Variants in MTCL2 observed in about 807,000 individuals in gnomAD.
The protein encoded by MTCL2 is microtubule crosslinking factor 2.
chr20:36,789,006 G>A, the MTCL2 span, among the ~76,000 whole-genome samples: 1 of 151,936 alleles, frequency 6.6e-6, no homozygotes, highest in Non-Finnish European at 1.5e-5. Flanking sequence ...GGGTTTCTCG[G>A]CATTGGTCAG....
chr20:36,787,538 T>C, the MTCL2 span, among the ~76,000 whole-genome samples: 1 of 152,128 alleles, frequency 6.6e-6, no homozygotes, highest in Non-Finnish European at 1.5e-5. Context: ...TCACTTTTTA[T>C]GTACATCTGG....
the MTCL2 span, among the ~76,000 whole-genome samples, chr20:36,810,464 A>C: frequency 0.015 from 2,233 of 152,328 alleles, 30 homozygotes; most frequent in Non-Finnish European, 0.024. Flanking sequence ...ATGGGACTTA[A>C]AAGATGCTTA....
chr20:36,778,771 G>A, the MTCL2 span: 1 of 152,432 alleles, frequency 6.6e-6, no homozygotes. Flanking sequence ...GGGACCACAG[G>A]GCCATCCTGG....
the MTCL2 span, among the ~76,000 whole-genome samples, chr20:36,838,379 G>C: frequency 2.0e-5 from 3 of 152,014 alleles, no homozygotes; most frequent in Non-Finnish European, 4.4e-5. Flanking sequence ...AGGATCACTT[G>C]AGCCCAGAAG....
the MTCL2 span, chr20:36,777,978 C>G: frequency 1.1e-3 from 590 of 533,880 alleles, 4 homozygotes; most frequent in African/African-American, 0.011. Context: ...CGCTATCTGG[C>G]CTATGGTGAG....
the MTCL2 span, among the ~76,000 whole-genome samples, chr20:36,857,821 G>T: frequency 1.3e-5 from 2 of 152,168 alleles, no homozygotes; most frequent in East Asian, 3.9e-4. Flanking sequence ...ATGCCTGGAG[G>T]AACGGATAAG....
chr20:36,798,194 C>G, the MTCL2 span, among the ~76,000 whole-genome samples: 1 of 152,154 alleles, frequency 6.6e-6, no homozygotes, highest in East Asian at 1.9e-4. Context: ...CTCAGCCTCC[C>G]GAGTGGCTGG....
At chr20:36,815,171 G>T in the MTCL2 span, 1 of 1,612,084 alleles carries the variant, frequency 6.2e-7, no homozygotes, top group African/African-American at 1.3e-5. This position sits in a 1 kb window ranked among gnomAD's most constrained non-coding sequence, Gnocchi z 5.3. Context: ...TCTCCTTAGA[G>T]AGCCCCTGGG....
At chr20:36,828,943 C>T in the MTCL2 span, 2 of 1,190,586 alleles carry the variant, frequency 1.7e-6, no homozygotes, top group East Asian at 2.7e-5. Context: ...GCCAGGGAGG[C>T]ATAAGCTGCC....
chr20:36,820,022 C>T, the MTCL2 span, among the ~76,000 whole-genome samples: 5 of 152,142 alleles, frequency 3.3e-5, no homozygotes, highest in Non-Finnish European at 7.4e-5. Flanking sequence ...AAGCAGACCC[C>T]CGTATAGCAT....
chr20:36,815,440 C>T, the MTCL2 span: 4 of 1,611,246 alleles, frequency 2.5e-6, no homozygotes, highest in Non-Finnish European at 1.7e-6. The surrounding 1 kb of genome is among the most constrained non-coding windows in gnomAD (Gnocchi z 5.3). Flanking sequence ...ACCAGGACAT[C>T]GATGGCCTTA....
chr20:36,851,460 C>G, the MTCL2 span, among the ~76,000 whole-genome samples: 1 of 152,356 alleles, frequency 6.6e-6, no homozygotes, highest in African/African-American at 2.4e-5. Context: ...CTCTCACTGG[C>G]AACACAGCAG....
At chr20:36,826,199 C>T in the MTCL2 span, among the ~76,000 whole-genome samples, 1 of 150,926 alleles carries the variant, frequency 6.6e-6, no homozygotes, top group Non-Finnish European at 1.5e-5. Flanking sequence ...TTAGTAGAGA[C>T]GGGGTTTCAC....
the MTCL2 span, among the ~76,000 whole-genome samples, chr20:36,826,460 C>T: frequency 4.5e-4 from 67 of 148,620 alleles, 1 homozygote; most frequent in East Asian, 0.011. Flanking sequence ...TCACTGCAGC[C>T]TCAACCTCTT....
the MTCL2 span, chr20:36,839,343 G>T: frequency 2.0e-5 from 32 of 1,612,790 alleles, no homozygotes; most frequent in Non-Finnish European, 2.7e-5. The surrounding 1 kb of genome is among the most constrained non-coding windows in gnomAD (Gnocchi z 5.1). Flanking sequence ...TGCTGGCCTG[G>T]TCCAGCTGCT....
chr20:36,791,937 T>C, the MTCL2 span, among the ~76,000 whole-genome samples: 1 of 149,822 alleles, frequency 6.7e-6, no homozygotes, highest in African/African-American at 2.6e-5. Context: ...TTATGCACAT[T>C]CTAACACATT....
chr20:36,834,797 T>A, the MTCL2 span, among the ~76,000 whole-genome samples: 1 of 151,692 alleles, frequency 6.6e-6, no homozygotes. Flanking sequence ...AGGTCAGGAG[T>A]TAGAGACCAG....
At chr20:36,816,372 G>T in the MTCL2 span, 1 of 1,359,708 alleles carries the variant, frequency 7.4e-7, no homozygotes, top group Non-Finnish European at 1.0e-6. Context: ...ACCAGCCATG[G>T]CATTTTGGGG....
At chr20:36,814,790 G>T in the MTCL2 span, among the ~76,000 whole-genome samples, 1 of 152,226 alleles carries the variant, frequency 6.6e-6, no homozygotes, top group Admixed American at 6.5e-5. Flanking sequence ...GGGAGGCTAA[G>T]AGAGGAGAAT....
Sources: allele counts gnomAD v4.1 joint callset (sites outside exome capture counted in the v4.1 genomes callset), GRCh38; gene constraint gnomAD v4.1.1; non-coding constraint Gnocchi (gnomAD v3.1); transcripts MANE v1.5; gene names NCBI Gene and HGNC (gene_info 2026-07-23, HGNC 2026-07-21).